The following GPC6 variants were observed in gnomAD, a reference collection of about 807,000 sequenced individuals.
GPC6 encodes the protein glypican 6, also known as glypican-6.
A neutral mutation model predicts 55.2 loss-of-function variants in GPC6; 14 were observed. That is an observed-to-expected ratio of 0.25 (90% CI 0.17 to 0.40). The LOEUF (loss-of-function observed/expected upper bound fraction) is 0.40. GPC6 is among the 10% of genes least tolerant of loss of function. The probability of loss-of-function intolerance (pLI) is 1.00; values close to 1 mark genes in which losing one functional copy is unlikely to be tolerated. For missense variants in GPC6, 641 were observed against 708.5 expected, an observed-to-expected ratio of 0.90 and a Z score of 1.08; for synonymous variants, 278 against 259.6, an observed-to-expected ratio of 1.07 and a Z score of -0.68.
chr13:94,392,163 T>C (rs1880674982), intron 7 of GPC6, among the ~76,000 whole-genome samples: 3 of 152,052 alleles, frequency 2.0e-5, no homozygotes, highest in Admixed American at 2.0e-4. Flanking sequence ...TCTGTATACT[T>C]CTCTTCACAG....
chr13:93,957,298 G>T (rs1384038452), intron 3 of GPC6, among the ~76,000 whole-genome samples: 1 of 152,008 alleles, frequency 6.6e-6, no homozygotes, highest in East Asian at 1.9e-4. Flanking sequence ...ACACGTACAG[G>T]CTTGTTACAT....
At chr13:93,527,234 C>A (rs1268829640) in intron 1 of GPC6, among the ~76,000 whole-genome samples, 1 of 152,048 alleles carries the variant, frequency 6.6e-6, no homozygotes, top group Non-Finnish European at 1.5e-5. Context: ...GTGGTAAGAG[C>A]ACCTAACATC....
chr13:94,160,182 A>T (rs1381270026), intron 4 of GPC6, among the ~76,000 whole-genome samples: 1 of 152,166 alleles, frequency 6.6e-6, no homozygotes, highest in Non-Finnish European at 1.5e-5. Flanking sequence ...GTTCTATTTT[A>T]TTATTAGTTA....
At chr13:93,887,936 C>T (rs1045097596) in intron 3 of GPC6, among the ~76,000 whole-genome samples, 3 of 152,110 alleles carry the variant, frequency 2.0e-5, no homozygotes, top group African/African-American at 7.2e-5. Context: ...CGGGTTGTGG[C>T]TTATGGCCAG....
chr13:93,927,618 A>T (rs1342319459), intron 3 of GPC6, among the ~76,000 whole-genome samples: 1 of 151,718 alleles, frequency 6.6e-6, no homozygotes, highest in African/African-American at 2.4e-5. Flanking sequence ...GAGATTGTGG[A>T]TCTACTGCAT....
intron 2 of GPC6, among the ~76,000 whole-genome samples, chr13:93,773,609 C>G (rs961684854): frequency 6.6e-6 from 1 of 152,130 alleles, no homozygotes; most frequent in Non-Finnish European, 1.5e-5. Context: ...AATTCCTTAG[C>G]TAATCAGTAC....
At chr13:93,993,460 AT>A (rs1320923307) in intron 3 of GPC6, among the ~76,000 whole-genome samples, 1 of 151,500 alleles carries the variant, frequency 6.6e-6, no homozygotes, top group African/African-American at 2.4e-5. Flanking sequence ...CACCCCGGTA[AT>A]TTTTTTGTAT....
intron 4 of GPC6, among the ~76,000 whole-genome samples, chr13:94,271,378 GCGCGCACA>G (rs1418286711): frequency 1.1e-4 from 12 of 112,822 alleles, no homozygotes; most frequent in Non-Finnish European, 1.8e-4. Flanking sequence ...GCGCGCGCGC[GCGCGCACA>G]CACACACACA....
rs546242454 is a variant in GPC6 at position 94,326,969 on chromosome 13, C to G, written c.1152+20846C>G. Among the ~76,000 whole-genome samples, 9 of 152,312 alleles carry G rather than the reference C, an allele frequency of 5.9e-5. 1 individual carries two copies. The South Asian group carries it at 1.0e-3, about 18-fold the overall frequency. On this transcript the variant is annotated intron_variant, in intron 6 of 8. Transcript: ENST00000377047. ...AAGGAGGGTCTACCTCCAGCTCCCC[C>G]ACTGGTATTTTATCAACAATAACGT...
chr13:93,905,855 G>T (rs1429263350), intron 3 of GPC6, among the ~76,000 whole-genome samples: 2 of 152,182 alleles, frequency 1.3e-5, no homozygotes, highest in Non-Finnish European at 2.9e-5. Flanking sequence ...GTGAAAGCCT[G>T]AGATAAAGTA....
intron 6 of GPC6, among the ~76,000 whole-genome samples, chr13:94,325,380 C>T (rs1877062278): frequency 6.6e-6 from 1 of 152,164 alleles, no homozygotes; most frequent in African/African-American, 2.4e-5. Context: ...CCAGTAACTA[C>T]TGTGTGTTCC....
chr13:93,973,354 C>T (rs1880371835), intron 3 of GPC6, among the ~76,000 whole-genome samples: 1 of 152,142 alleles, frequency 6.6e-6, no homozygotes, highest in African/African-American at 2.4e-5. Flanking sequence ...TGCAGTCCAT[C>T]ATTGACCAAA....
chr13:93,393,125 T>G (rs571083238), intron 1 of GPC6, among the ~76,000 whole-genome samples: 1,325 of 96,602 alleles, frequency 0.014, 11 homozygotes, highest in African/African-American at 0.035. Context: ...TATATATATA[T>G]ATAGAGAGAG....
chr13:93,369,717 C>T (rs938515000), intron 1 of GPC6, among the ~76,000 whole-genome samples: 1 of 152,012 alleles, frequency 6.6e-6, no homozygotes, highest in African/African-American at 2.4e-5. Context: ...ACAGTTTAAA[C>T]GTTTTTTTGT....
At chr13:93,407,642 C>T (rs1296998185) in intron 1 of GPC6, among the ~76,000 whole-genome samples, 1 of 152,006 alleles carries the variant, frequency 6.6e-6, no homozygotes, top group East Asian at 1.9e-4. Flanking sequence ...TGTAATATGT[C>T]ATAATAAAAG....
At chr13:93,740,834 TG>T in intron 2 of GPC6, among the ~76,000 whole-genome samples, 1 of 152,292 alleles carries the variant, frequency 6.6e-6, no homozygotes, top group African/African-American at 2.4e-5. Context: ...TCTGGGACAT[TG>T]TGGCTAATTT....
chr13:94,081,738 G>A (rs1473564727), intron 4 of GPC6, among the ~76,000 whole-genome samples: 1 of 152,016 alleles, frequency 6.6e-6, no homozygotes, highest in Non-Finnish European at 1.5e-5. Flanking sequence ...ATCTTGCTAA[G>A]TCCAGGCACT....
intron 2 of GPC6, among the ~76,000 whole-genome samples, chr13:93,569,677 A>G (rs1392888926): frequency 1.3e-5 from 2 of 152,124 alleles, no homozygotes; most frequent in South Asian, 4.1e-4. Flanking sequence ...AACTAATATT[A>G]ATAGCATATT....
intron 4 of GPC6, among the ~76,000 whole-genome samples, chr13:94,081,864 A>C: frequency 1.0e-5 from 1 of 97,936 alleles, no homozygotes; most frequent in African/African-American, 4.0e-5. Flanking sequence ...TTTTTGAGAC[A>C]CAGTCCCCCT....
Sources: gnomAD v4.1 joint callset for allele counts (sites outside exome capture counted in the v4.1 genomes callset) on GRCh38, gnomAD v4.1.1 for gene constraint, MANE v1.5 for transcripts, NCBI Gene and HGNC (gene_info 2026-07-23, HGNC 2026-07-21) for gene names.